The following CFAP161 variants were observed in gnomAD, a reference collection of about 807,000 sequenced individuals.
CFAP161 encodes the protein cilia and flagella associated protein 161.
Under a neutral mutation model 29.0 loss-of-function variants are expected in CFAP161, and 25 were observed. The ratio of observed to expected loss-of-function variants is 0.86; its 90% CI spans 0.63 to 1.20. The LOEUF is 1.20. CFAP161 is among the 50% of genes most tolerant of loss of function. CFAP161 has a pLI of 0.00. For missense variants in CFAP161, 367 were observed against 371.9 expected (o/e 0.99, Z 0.11); for synonymous variants, 116 against 137.4 (o/e 0.84, Z 1.09).
intron 4 of CFAP161, among the ~76,000 whole-genome samples, chr15:81,143,045 G>A (rs752351737): frequency 3.3e-5 from 5 of 152,240 alleles, no homozygotes; most frequent in African/African-American, 7.2e-5. Flanking sequence ...GGGCATGGTC[G>A]TTCACACCTA....
At chr15:81,140,997 C>T (rs115379171) in intron 4 of CFAP161, among the ~76,000 whole-genome samples, 1 of 152,328 alleles carries the variant, frequency 6.6e-6, no homozygotes, top group African/African-American at 2.4e-5. Context: ...CCTCTCATTA[C>T]ACTTCTTTGT....
upstream of CFAP161, among the ~76,000 whole-genome samples, chr15:81,132,359 A>G (rs576838055): frequency 1.6e-3 from 242 of 152,356 alleles, no homozygotes; most frequent in Admixed American, 3.4e-3. Context: ...CGCTATCAAC[A>G]AAGAATCATG....
At position 81,106,895 on chromosome 15, in the gene CFAP161, A is replaced by G. The variant is rs1228138781; in HGVS notation, c.-141-20695A>G. 2.0e-5 allele frequency among the ~76,000 whole-genome samples: 3 copies of G among 152,028 alleles called. No homozygotes were observed. In the East Asian group the frequency reaches 5.8e-4, roughly 29 times the overall value. ...AGCTTGAGCTACATAGCAAGACCCC[A>G]TTTCTACAAAATATTTAAAAATTAG... On this transcript the variant is annotated intron_variant, in intron 1 of 4. Transcript: ENST00000560091.
chr15:81,118,186 A>G (rs749831561), intron 1 of CFAP161: 9 of 475,952 alleles, frequency 1.9e-5, no homozygotes, highest in Non-Finnish European at 3.5e-5. Flanking sequence ...TTCACTGAGT[A>G]CAAATTTTTT....
At chr15:81,131,564 C>A (rs55680415), upstream of CFAP161, among the ~76,000 whole-genome samples, 21,416 of 152,104 alleles carry the variant, frequency 0.14, 1,721 homozygotes, top group African/African-American at 0.21. Context: ...TAGCGGAATA[C>A]AGCAGTAAGT....
chr15:81,144,370 G>A (rs991317943), intron 5 of CFAP161, among the ~76,000 whole-genome samples: 3 of 152,202 alleles, frequency 2.0e-5, no homozygotes, highest in South Asian at 2.1e-4. Context: ...TAAGGCGGGC[G>A]GATCTTTTGA....
intron 1 of CFAP161, among the ~76,000 whole-genome samples, chr15:81,118,581 G>A (rs1894530204): frequency 6.6e-6 from 1 of 152,206 alleles, no homozygotes; most frequent in Non-Finnish European, 1.5e-5. Flanking sequence ...TCCGCGGGGG[G>A]CTCGCGGTGG....
chr15:81,140,793 G>T (rs1183235075), intron 4 of CFAP161, among the ~76,000 whole-genome samples: 1 of 151,826 alleles, frequency 6.6e-6, no homozygotes, highest in Non-Finnish European at 1.5e-5. Flanking sequence ...CGCCATGTTG[G>T]CCAGGCTGGT....
intron 1 of CFAP161, among the ~76,000 whole-genome samples, chr15:81,115,454 A>C (rs964040055): frequency 6.6e-6 from 1 of 152,148 alleles, no homozygotes; most frequent in Non-Finnish European, 1.5e-5. Context: ...CATTTGCGTA[A>C]AGAGGAAGGT....
At chr15:81,118,574 G>A (rs907596704) in intron 1 of CFAP161, among the ~76,000 whole-genome samples, 1 of 152,190 alleles carries the variant, frequency 6.6e-6, no homozygotes, top group South Asian at 2.1e-4. Context: ...GCGCTAGTCC[G>A]CGGGGGGCTC....
chr15:81,105,893 A>G (rs554477014), intron 1 of CFAP161, among the ~76,000 whole-genome samples: 1 of 152,312 alleles, frequency 6.6e-6, no homozygotes, highest in South Asian at 2.1e-4. Flanking sequence ...TGAACAATTC[A>G]CTGATGTGGC....
intron 1 of CFAP161, among the ~76,000 whole-genome samples, chr15:81,121,141 T>C (rs1894567635): frequency 6.6e-6 from 1 of 152,228 alleles, no homozygotes; most frequent in African/African-American, 2.4e-5. Flanking sequence ...CTATAAATTA[T>C]TTTTGATGAA....
chr15:81,111,756 C>T (rs914306840), intron 1 of CFAP161, among the ~76,000 whole-genome samples: 7 of 152,186 alleles, frequency 4.6e-5, no homozygotes, highest in African/African-American at 1.7e-4. Flanking sequence ...AAAGTGCTTA[C>T]CTCTGTTCTT....
chr15:81,116,279 T>C (rs549636486), intron 1 of CFAP161, among the ~76,000 whole-genome samples: 2 of 152,284 alleles, frequency 1.3e-5, no homozygotes, highest in African/African-American at 2.4e-5. Flanking sequence ...ATTTCTTTTT[T>C]AAAAATTTTA....
At position 81,148,334 on chromosome 15, in the gene CFAP161, C is replaced by G; in HGVS notation, c.711-4C>G. On this transcript the variant is annotated splice_region_variant and splice_polypyrimidine_tract_variant and intron_variant, in intron 6 of 6. Transcript: ENST00000286732. ...AAACCACAACTGATTCTCTCTTGCT[C>G]CAGCACCTATTTTGGAAAGGAGGCT... is the stretch of plus-strand genomic sequence containing the variant. 6.2e-7 allele frequency: 1 copy of G among 1,607,478 alleles called. No individual in the cohort carries two copies. Among genetic ancestry groups the G allele is most frequent in the Non-Finnish European group, 8.5e-7 (1 of 1,174,492 alleles).
rs1422035105 is a variant in CFAP161 at position 81,143,755 on chromosome 15, A to G, written c.571A>G (p.Asn191Asp). Residue 191 changes from asparagine to aspartate, a missense_variant, in exon 5 of 7, where the codon AAC becomes GAC. Transcript: ENST00000286732. ...CCTAACAGATGAGGTCTCCCATGTGAACTGCTGGCAGGCTGCCTTCCCTGA... is the reference window on the plus strand; with the variant it reads ...CCTAACAGATGAGGTCTCCCATGTGGACTGCTGGCAGGCTGCCTTCCCTGA... ...VYLTDEVSHV[N>D]CWQAAFPDPQ... is the part of the protein sequence containing the mutation. 2 of 1,614,004 alleles carry G rather than the reference A, an allele frequency of 1.2e-6. No homozygotes were observed. Among genetic ancestry groups the G allele is most frequent in the Non-Finnish European group, 1.7e-6 (2 of 1,180,030 alleles).
chr15:81,133,176 CATATATATATATATATATATATAT>C (rs141326043), upstream of CFAP161, among the ~76,000 whole-genome samples: 747 of 60,998 alleles, frequency 0.012, 43 homozygotes, highest in Middle Eastern at 0.041. Context: ...CCTTCATCAG[CATATATATATATATATATATATAT>C]ATATATATAT....
At chr15:81,143,206 G>A (rs539587342) in intron 4 of CFAP161, among the ~76,000 whole-genome samples, 16 of 152,186 alleles carry the variant, frequency 1.1e-4, no homozygotes, top group Admixed American at 3.9e-4. Flanking sequence ...CCAGCTACTC[G>A]GGAGGCTGAG....
intron 5 of CFAP161, among the ~76,000 whole-genome samples, chr15:81,145,915 G>T (rs1894998448): frequency 6.6e-6 from 1 of 152,162 alleles, no homozygotes; most frequent in South Asian, 2.1e-4. Flanking sequence ...GGAAGTGGGG[G>T]ATAACTCTAT....
Sources: allele counts gnomAD v4.1 joint callset (sites outside exome capture counted in the v4.1 genomes callset), GRCh38; gene constraint gnomAD v4.1.1; transcripts MANE v1.5; gene names NCBI Gene and HGNC (gene_info 2026-07-23, HGNC 2026-07-21).